Variants in CLYBL observed in about 807,000 individuals in gnomAD.
CLYBL encodes citramalyl-CoA lyase.
CLYBL carries 31 observed loss-of-function variants against 38.9 expected under a neutral mutation model. That is an observed-to-expected ratio of 0.80 (90% confidence interval 0.60 to 1.08). The LOEUF is 1.08. Among genes scored for constraint, CLYBL ranks in the 50% least tolerant of loss-of-function variants. The probability of loss-of-function intolerance (pLI) is 0.00; values close to 1 mark genes in which losing one functional copy is unlikely to be tolerated. For missense variants in CLYBL, 434 were observed against 411.6 expected (o/e 1.05, Z -0.47); for synonymous variants, 171 against 158.6 (o/e 1.08, Z -0.59).
At position 99,633,056 on chromosome 13, in the gene CLYBL, A is replaced by G. The variant is rs149758122; in HGVS notation, c.62+26299A>G. Among the ~76,000 whole-genome samples, 991 of 152,106 alleles carry G rather than the reference A, an allele frequency of 6.5e-3. 24 individuals carry two copies. Among genetic ancestry groups the G allele is most frequent in the Admixed American group, 0.05 (764 of 15,272 alleles). ...GGAATTCATGACCAGACTGGCCAAC[A>G]TGGCAAAACCCTGTCTCTAACTAAA... On this transcript the variant is annotated intron_variant, in intron 1 of 8. Transcript: ENST00000339105.
At chr13:99,841,225 G>A (rs1214557173) in intron 2 of CLYBL, among the ~76,000 whole-genome samples, 1 of 152,122 alleles carries the variant, frequency 6.6e-6, no homozygotes, top group Non-Finnish European at 1.5e-5. Flanking sequence ...ACGGCGCACG[G>A]AGGAAAGTAG....
chr13:99,748,539 A>C (rs548301785), intron 1 of CLYBL, among the ~76,000 whole-genome samples: 35 of 139,130 alleles, frequency 2.5e-4, no homozygotes, highest in African/African-American at 8.8e-4. Flanking sequence ...TCCCCGGTTC[A>C]AGCGATTCTC....
chr13:99,684,252 G>A (rs114517268), intron 1 of CLYBL, among the ~76,000 whole-genome samples: 4,066 of 144,212 alleles, frequency 0.028, 185 homozygotes, highest in African/African-American at 0.099. Flanking sequence ...GCAGTGGCGC[G>A]ATCTGCAACC....
rs1356841601 is a variant in CLYBL at position 99,817,671 on chromosome 13, AAAG to A, written c.250-41187_250-41185del. On this transcript the variant is annotated intron_variant, in intron 2 of 8. Coordinates refer to ENST00000339105, the MANE Select transcript of CLYBL (RefSeq NM_206808.5). The stretch of plus-strand genomic sequence containing the variant: ...CTCTGTCTCAAAAAAAAAAAAAAAA[AAAG>A]AAAAGAAAAAAGAAAAGCACTGAGC... 1.5e-3 allele frequency among the ~76,000 whole-genome samples: 207 copies of A among 139,622 alleles called. 7 individuals are homozygous for A. In the East Asian group the frequency reaches 0.016, roughly 11 times the overall value. 91.6% of individuals were successfully genotyped at this position (139,622 alleles called of 152,430 possible). A position where few individuals can be genotyped will look rare whatever the true frequency, so the allele number is the denominator to read the frequency against.
At chr13:99,705,402 G>A (rs2139472605) in intron 1 of CLYBL, among the ~76,000 whole-genome samples, 1 of 152,310 alleles carries the variant, frequency 6.6e-6, no homozygotes, top group Non-Finnish European at 1.5e-5. Context: ...CCAACATGGT[G>A]AAACCCTGTC....
At chr13:99,890,112 C>G (rs1029007169) in intron 7 of CLYBL, among the ~76,000 whole-genome samples, 2 of 152,130 alleles carry the variant, frequency 1.3e-5, no homozygotes, top group Admixed American at 6.6e-5. Flanking sequence ...GCTTTCTGTC[C>G]GTTTAATCTA....
intron 1 of CLYBL, among the ~76,000 whole-genome samples, chr13:99,729,578 C>G (rs372130647): frequency 2.6e-5 from 4 of 152,286 alleles, no homozygotes; most frequent in Admixed American, 1.3e-4. Context: ...GGAGACTCAT[C>G]ATCACTGCTC....
At chr13:99,627,310 T>A (rs930282801) in intron 1 of CLYBL, among the ~76,000 whole-genome samples, 2 of 152,198 alleles carry the variant, frequency 1.3e-5, no homozygotes, top group African/African-American at 4.8e-5. Context: ...AGTATTGTTT[T>A]AACAGAAAGT....
chr13:99,627,326 CA>C (rs1466665695), intron 1 of CLYBL, among the ~76,000 whole-genome samples: 1 of 152,012 alleles, frequency 6.6e-6, no homozygotes, highest in Non-Finnish European at 1.5e-5. Context: ...AAAGTAAAAT[CA>C]AAAGCATGCA....
At chr13:99,900,036 C>T (rs1023028036), downstream of CLYBL, among the ~76,000 whole-genome samples, 1 of 152,112 alleles carries the variant, frequency 6.6e-6, no homozygotes, top group African/African-American at 2.4e-5. Flanking sequence ...AAGCAATTCT[C>T]CTGCCTCAGC....
chr13:99,749,280 A>G lies in CLYBL; in HGVS notation c.63-23544A>G, dbSNP rs116430911. 9.8e-3 allele frequency among the ~76,000 whole-genome samples: 1,498 copies of G among 152,350 alleles called. 12 individuals carry two copies. The highest frequency in any genetic ancestry group is 0.041 in the Middle Eastern group (12 of 294). ...TGTCCCGATGGTCTGAGGAGGCAGT[A>G]CGCTGCAGTGAGACAGTATAACGCA... On this transcript the variant is annotated intron_variant, in intron 1 of 8. Transcript: ENST00000339105.
chr13:99,786,646 G>A (rs971407927), intron 2 of CLYBL, among the ~76,000 whole-genome samples: 1 of 152,170 alleles, frequency 6.6e-6, no homozygotes, highest in African/African-American at 2.4e-5. Context: ...TTGCTATTGT[G>A]CATAGTGCCA....
At chr13:99,674,054 G>A (rs1431292417) in intron 1 of CLYBL, among the ~76,000 whole-genome samples, 1 of 151,802 alleles carries the variant, frequency 6.6e-6, no homozygotes, top group African/African-American at 2.4e-5. Context: ...GCTTTTGTTG[G>A]GGTAGGGGTG....
intron 1 of CLYBL, among the ~76,000 whole-genome samples, chr13:99,693,667 C>G (rs2139436963): frequency 6.6e-6 from 1 of 152,152 alleles, no homozygotes; most frequent in Middle Eastern, 3.4e-3. Flanking sequence ...TGGGGGCACA[C>G]TCCCTGTTTG....
intron 1 of CLYBL, among the ~76,000 whole-genome samples, chr13:99,735,278 C>G (rs2048649611): frequency 6.6e-6 from 1 of 152,174 alleles, no homozygotes; most frequent in Non-Finnish European, 1.5e-5. Context: ...ACTGCAGACT[C>G]AAACTCCTGG....
intron 1 of CLYBL, among the ~76,000 whole-genome samples, chr13:99,699,419 C>T (rs377498007): frequency 6.6e-6 from 1 of 151,928 alleles, no homozygotes; most frequent in South Asian, 2.1e-4. Context: ...CGTGGCTGGG[C>T]GTGGTGGCTC....
intron 1 of CLYBL, among the ~76,000 whole-genome samples, chr13:99,636,589 G>A (rs890573318): frequency 6.6e-6 from 1 of 152,178 alleles, no homozygotes; most frequent in African/African-American, 2.4e-5. Context: ...GGCTGTTTGA[G>A]TATCAGCCAC....
chr13:99,757,904 C>A (rs1417274531), intron 1 of CLYBL, among the ~76,000 whole-genome samples: 1 of 152,176 alleles, frequency 6.6e-6, no homozygotes, highest in Non-Finnish European at 1.5e-5. Flanking sequence ...AAATGAATAA[C>A]CTGGAGACAT....
intron 6 of CLYBL, among the ~76,000 whole-genome samples, chr13:99,868,078 A>G (rs2051793511): frequency 6.6e-6 from 1 of 151,834 alleles, no homozygotes. Context: ...GACGGGGAGT[A>G]TTAAATCGCT....
Sources: allele counts gnomAD v4.1 joint callset (sites outside exome capture counted in the v4.1 genomes callset), GRCh38; gene constraint gnomAD v4.1.1; transcripts MANE v1.5; gene names NCBI Gene and HGNC (gene_info 2026-07-23, HGNC 2026-07-21).